CCND3: variants seen among roughly 807,000 people sequenced by gnomAD.
CCND3 encodes G1/S-specific cyclin-D3.
CCND3 carries 9 observed loss-of-function variants against 28.7 expected under a neutral mutation model. The observed-to-expected ratio is 0.31, with a 90% CI of 0.19 to 0.55. The LOEUF is 0.55. Among genes scored for constraint, CCND3 ranks in the 20% least tolerant of loss-of-function variants. The probability of loss-of-function intolerance (pLI) is 0.93; values close to 1 mark genes in which losing one functional copy is unlikely to be tolerated. For missense variants in CCND3, 315 were observed against 385.8 expected (o/e 0.82, Z 1.54); for synonymous variants, 164 against 163.9 (o/e 1.00, Z 0.00).
Position 41,940,545 on chromosome 6 carries a change from A to T in CCND3, c.239T>A (p.Leu80Gln). The T allele has an allele frequency of 6.2e-7, 1 of 1,613,000 alleles. No individual in the cohort carries two copies. Among genetic ancestry groups the T allele is most frequent in the Non-Finnish European group, 8.5e-7 (1 of 1,179,632 alleles). Residue 80 changes from leucine (L) to glutamine (Q), a missense_variant, in exon 2 of 5, where the codon CTG becomes CAG. Coordinates refer to ENST00000372991, the MANE Select transcript of CCND3 (RefSeq NM_001760.5). ...EQRCEEEVFP[L>Q]AMNYLDRYLS... ...GTAGCGATCCAGGTAGTTCATGGCC[A>T]GGGGGAAGACTTCCTCCTCACAGCG...
At chr6:42,020,053 C>T (rs975024116) in intron 1 of CCND3, among the ~76,000 whole-genome samples, 2 of 151,990 alleles carry the variant, frequency 1.3e-5, no homozygotes, top group Admixed American at 6.6e-5. Flanking sequence ...CCGAGGCGGG[C>T]GGATCACAAG....
chr6:42,032,909 T>C (rs1208190275), intron 1 of CCND3, among the ~76,000 whole-genome samples: 1 of 152,186 alleles, frequency 6.6e-6, no homozygotes, highest in East Asian at 1.9e-4. Flanking sequence ...AGTCTATGAG[T>C]TTCTGACCTT....
chr6:41,967,524 T>C (rs1409566981), intron 1 of CCND3, among the ~76,000 whole-genome samples: 1 of 152,212 alleles, frequency 6.6e-6, no homozygotes, highest in African/African-American at 2.4e-5. Flanking sequence ...TAGTCCAGGC[T>C]TCTTAGACAA....
intron 1 of CCND3, among the ~76,000 whole-genome samples, chr6:41,954,688 C>T (rs116473415): frequency 1.5e-3 from 221 of 152,222 alleles, no homozygotes; most frequent in African/African-American, 5.2e-3. Flanking sequence ...CCTGAGCCAT[C>T]GTGCCTAGCC....
intron 1 of CCND3, among the ~76,000 whole-genome samples, chr6:41,966,385 C>T (rs760344497): frequency 6.6e-6 from 1 of 152,060 alleles, no homozygotes; most frequent in Non-Finnish European, 1.5e-5. Context: ...GCCACCACTA[C>T]ACTCTAGCCT....
At chr6:41,940,870 G>T in intron 1 of CCND3, 1 of 1,321,674 alleles carries the variant, frequency 7.6e-7, no homozygotes, top group Non-Finnish European at 1.1e-6. Context: ...CCCCCACAGC[G>T]AGGGGAAGTG....
At chr6:41,972,784 A>G (rs1762069798) in intron 1 of CCND3, among the ~76,000 whole-genome samples, 2 of 152,020 alleles carry the variant, frequency 1.3e-5, no homozygotes, top group Middle Eastern at 6.8e-3. Flanking sequence ...TGGAAGGCTG[A>G]GATGGGAGGA....
rs772818142 is a variant in CCND3, at chr6:41,959,679, T to TCCGTCTCAAAAAAAAAAAAA, written c.-45-19095_-45-19094insTTTTTTTTTTTTTGAGACGG. Among the ~76,000 whole-genome samples the TCCGTCTCAAAAAAAAAAAAA allele has an allele frequency of 2.2e-4, 32 of 147,204 alleles. 2 individuals carry two copies. Among genetic ancestry groups the TCCGTCTCAAAAAAAAAAAAA allele is most frequent in the East Asian group, 8.2e-4 (4 of 4,906 alleles). On this transcript the variant is annotated intron_variant, in intron 1 of 4. Transcript: ENST00000372988. ...CTCCAGCCTGGCGACACAGCAAGAC[T>TCCGTCTCAAAAAAAAAAAAA]AAATCAGGCCAGGCGCGGTGGCTCA...
intron 1 of CCND3, 133 bp from the exon 2 acceptor site, chr6:41,940,718 A>T: frequency 1.3e-6 from 1 of 758,288 alleles, no homozygotes; most frequent in Non-Finnish European, 2.3e-6. Flanking sequence ...AGAGACAAGG[A>T]CCAATAAAGG....
chr6:42,045,009 TTGGTCAGGCTGGTCTCGAACTGC>T (rs1764499916), intron 1 of CCND3, among the ~76,000 whole-genome samples: 1 of 150,432 alleles, frequency 6.6e-6, no homozygotes, highest in Non-Finnish European at 1.5e-5. Context: ...TTTCACCATG[TTGGTCAGGCTGGTCTCGAACTGC>T]TGACCTCGTG....
intron 1 of CCND3, among the ~76,000 whole-genome samples, chr6:41,957,293 A>T (rs189198495): frequency 7.9e-5 from 12 of 152,314 alleles, no homozygotes; most frequent in Non-Finnish European, 1.3e-4. Context: ...GGACCTGCTT[A>T]TCAGGTTAAA....
At chr6:42,009,648 CA>C (rs1165673256) in intron 1 of CCND3, among the ~76,000 whole-genome samples, 1 of 101,294 alleles carries the variant, frequency 9.9e-6, no homozygotes, top group Non-Finnish European at 2.4e-5. Flanking sequence ...AACAAAAACA[CA>C]CAAAAAAATT....
chr6:42,044,370 A>G (rs1042441615), intron 1 of CCND3, among the ~76,000 whole-genome samples: 2 of 152,206 alleles, frequency 1.3e-5, no homozygotes, highest in African/African-American at 2.4e-5. Flanking sequence ...AGTCACCCCA[A>G]GGTGACACAC....
chr6:42,028,610 C>T (rs956230044), intron 1 of CCND3, among the ~76,000 whole-genome samples: 11 of 152,218 alleles, frequency 7.2e-5, no homozygotes. Flanking sequence ...CCACTGAAGG[C>T]TGAAGCTGTC....
chr6:42,002,069 A>G (rs961723870), intron 1 of CCND3, among the ~76,000 whole-genome samples: 1 of 151,316 alleles, frequency 6.6e-6, no homozygotes, highest in African/African-American at 2.4e-5. Context: ...GAGCTGAGAA[A>G]GCGCCATTGT....
At chr6:41,950,771 C>G (rs576292570) in intron 1 of CCND3, among the ~76,000 whole-genome samples, 1 of 149,534 alleles carries the variant, frequency 6.7e-6, no homozygotes, top group Admixed American at 6.7e-5. Flanking sequence ...TGCAGTGGCG[C>G]GATCTCAGCT....
At chr6:41,957,965 A>G (rs1041301074) in intron 1 of CCND3, among the ~76,000 whole-genome samples, 32 of 149,366 alleles carry the variant, frequency 2.1e-4, no homozygotes, top group African/African-American at 6.4e-4. Flanking sequence ...GATTACAGGT[A>G]TGAGCCACCA....
chr6:41,951,710 A>G, intron 1 of CCND3, among the ~76,000 whole-genome samples: 1 of 151,934 alleles, frequency 6.6e-6, no homozygotes, highest in East Asian at 1.9e-4. Context: ...CAGAGCAATA[A>G]TAGTAATAAT....
intron 1 of CCND3, among the ~76,000 whole-genome samples, chr6:42,041,748 C>T (rs1346368837): frequency 6.6e-6 from 1 of 152,216 alleles, no homozygotes. Flanking sequence ...CATGGCAAAG[C>T]TTAACAAACC....
Sources: allele counts gnomAD v4.1 joint callset (sites outside exome capture counted in the v4.1 genomes callset), GRCh38; gene constraint gnomAD v4.1.1; transcripts MANE v1.5; gene names NCBI Gene and HGNC (gene_info 2026-07-23, HGNC 2026-07-21).